The following EFHD2 variants were observed in gnomAD, a reference collection of about 807,000 sequenced individuals.
EFHD2 encodes EF-hand domain family member D2.
A neutral mutation model predicts 20.3 loss-of-function variants in EFHD2; 12 were observed. That is an observed-to-expected ratio of 0.59 (90% CI 0.38 to 0.96). The LOEUF (loss-of-function observed/expected upper bound fraction) is 0.96, where lower values mean the gene tolerates loss of function less well. EFHD2 is among the 40% of genes least tolerant of loss of function. The pLI, the probability that EFHD2 is intolerant of heterozygous loss-of-function variation, is 0.00. For synonymous variants in EFHD2, 131 were observed against 143.9 expected (o/e 0.91, Z 0.64); for missense variants, 250 against 334.3 (o/e 0.75, Z 1.97).
chr1:15,421,320 C>G (rs1331045711), intron 1 of EFHD2, among the ~76,000 whole-genome samples: 1 of 152,204 alleles, frequency 6.6e-6, no homozygotes, highest in African/African-American at 2.4e-5. Flanking sequence ...GCCCAGGGCA[C>G]AGGGCAGATG....
intron 1 of EFHD2, among the ~76,000 whole-genome samples, chr1:15,420,210 A>G (rs144535239): frequency 6.6e-6 from 1 of 152,364 alleles, no homozygotes; most frequent in Non-Finnish European, 1.5e-5. Context: ...GAAGTATATG[A>G]TGTGCATATG....
intron 1 of EFHD2, among the ~76,000 whole-genome samples, chr1:15,411,738 G>A (rs1017278828): frequency 1.3e-4 from 20 of 152,202 alleles, no homozygotes; most frequent in Non-Finnish European, 2.2e-4. Flanking sequence ...AGGGCTGAGG[G>A]AGGGATGCGG....
chr1:15,409,939 G>C lies in EFHD2; in HGVS notation c.-33G>C. 1 of 1,220,774 alleles carries C rather than the reference G, an allele frequency of 8.2e-7. No homozygotes were observed. The highest frequency in any genetic ancestry group is 1.0e-6 in the Non-Finnish European group (1 of 983,682). The allele number at this position is 1,220,774 out of a possible 1,614,324, so 75.6% of individuals were successfully genotyped here. A position where few individuals can be genotyped will look rare whatever the true frequency, so the allele number is the denominator to read the frequency against. ...CCGGCGGCGCTGCGCTGAGAGCAGGGGCCCGGCCAAGGCGAGTGCCGCGCG... is the reference window on the plus strand; with the variant it reads ...CCGGCGGCGCTGCGCTGAGAGCAGGCGCCCGGCCAAGGCGAGTGCCGCGCG... On this transcript the variant is annotated 5_prime_UTR_variant, in exon 1 of 4. Coordinates refer to ENST00000375980, the MANE Select transcript of EFHD2 (RefSeq NM_024329.6).
At position 15,413,738 on chromosome 1, in the gene EFHD2, T is replaced by A. The variant is rs1310605003; in HGVS notation, c.308+3459T>A. On this transcript the variant is annotated intron_variant, in intron 1 of 3. Transcript: ENST00000375980. The surrounding 1 kb of genome is among the most constrained non-coding windows in gnomAD (Gnocchi z 4.4). ...CTCGGGGTTACGGAGAGGTTCTCAG[T>A]GAGGCTGAAACCTTGTATGATGAGG... 6.6e-6 allele frequency among the ~76,000 whole-genome samples: 1 copy of A among 152,162 alleles called. No individual in the cohort carries two copies. Among genetic ancestry groups the A allele is most frequent in the African/African-American group, 2.4e-5 (1 of 41,434 alleles).
chr1:15,420,979 G>A (rs1707780321), intron 1 of EFHD2, among the ~76,000 whole-genome samples: 1 of 152,148 alleles, frequency 6.6e-6, no homozygotes, highest in Non-Finnish European at 1.5e-5. Flanking sequence ...TAGATGTTAG[G>A]AATAATAATA....
rs759964570 is a variant in EFHD2 at position 15,428,726 on chromosome 1, G to A, written c.*2G>A. Reference sequence around the variant, plus strand: ...GAGCTGCAGTCCACCTTTAAGTAGCGGGGGCTGCAGCCGACCGCCCTGCTC... The same window carrying A: ...GAGCTGCAGTCCACCTTTAAGTAGCAGGGGCTGCAGCCGACCGCCCTGCTC... On this transcript the variant is annotated 3_prime_UTR_variant, in exon 4 of 4. Transcript: ENST00000375980. 16 of 1,577,972 alleles carry A rather than the reference G, an allele frequency of 1.0e-5. No homozygotes were observed. Among genetic ancestry groups the A allele is most frequent in the Middle Eastern group, 2.2e-4 (1 of 4,448 alleles).
chr1:15,414,887 G>A (rs949017773), intron 1 of EFHD2, among the ~76,000 whole-genome samples: 13 of 152,196 alleles, frequency 8.5e-5, no homozygotes, highest in African/African-American at 3.1e-4. Flanking sequence ...AACAGCTCTG[G>A]AGGGTGCACA....
chr1:15,430,066 A>G lies in EFHD2; in HGVS notation c.*1342A>G, dbSNP rs896496791. On this transcript the variant is annotated 3_prime_UTR_variant, in exon 4 of 4. Coordinates refer to ENST00000375980, the MANE Select transcript of EFHD2 (RefSeq NM_024329.6). ...CCCAGGAGTCCTGGAAGCTACGCGG[A>G]CTTGCAGAGGTTTTATTTTTTGGCC... 1 of 152,686 alleles carries G rather than the reference A, an allele frequency of 6.5e-6. No homozygotes were observed. Among genetic ancestry groups the G allele is most frequent in the Non-Finnish European group, 1.5e-5 (1 of 68,052 alleles). 9.5% of individuals were successfully genotyped at this position (152,686 alleles called of 1,614,324 possible).
chr1:15,414,669 G>A (rs530227360), intron 1 of EFHD2, among the ~76,000 whole-genome samples: 83 of 152,358 alleles, frequency 5.4e-4, no homozygotes, highest in African/African-American at 2.0e-3. Context: ...ACCACCAGCG[G>A]AGCTTCCAGG....
intron 1 of EFHD2, among the ~76,000 whole-genome samples, chr1:15,417,524 G>C (rs1707693567): frequency 6.6e-6 from 1 of 152,074 alleles, no homozygotes; most frequent in South Asian, 2.1e-4. Context: ...CCGTGGGGGA[G>C]CCCCAAGCGC....
chr1:15,411,769 C>T (rs983266803), intron 1 of EFHD2, among the ~76,000 whole-genome samples: 11 of 152,194 alleles, frequency 7.2e-5, no homozygotes, highest in African/African-American at 2.4e-4. Flanking sequence ...TCCCGCTTGG[C>T]TGGGCAGGAG....
chr1:15,416,324 C>A (rs934667313), intron 1 of EFHD2, among the ~76,000 whole-genome samples: 1 of 152,136 alleles, frequency 6.6e-6, no homozygotes, highest in Admixed American at 6.5e-5. Flanking sequence ...TCCTCAAGGC[C>A]AGCCCTGCCG....
intron 1 of EFHD2, among the ~76,000 whole-genome samples, 174 bp downstream of exon 1, chr1:15,410,453 C>A (rs1325103933): frequency 2.0e-5 from 3 of 151,998 alleles, no homozygotes; most frequent in Non-Finnish European, 4.4e-5. Flanking sequence ...CGAGACCCGG[C>A]ATCTCACCGC....
intron 1 of EFHD2, among the ~76,000 whole-genome samples, chr1:15,418,299 C>CTTT (rs764390342): frequency 4.4e-4 from 34 of 76,892 alleles, no homozygotes; most frequent in East Asian, 1.2e-3. Flanking sequence ...CGAGGAGCAA[C>CTTT]TTTTTTTTTT....
At chr1:15,420,357 T>C (rs1707769193) in intron 1 of EFHD2, among the ~76,000 whole-genome samples, 1 of 152,160 alleles carries the variant, frequency 6.6e-6, no homozygotes, top group Admixed American at 6.5e-5. Flanking sequence ...TTTGTTTGTC[T>C]TTTAAACAAG....
rs1203061276 is a variant in EFHD2 at position 15,413,653 on chromosome 1, C to G, written c.308+3374C>G. ...GAGAGACCTGAAGGGTTGACTCCAA[C>G]CCCTCTCCCCATTTGACAGAAGAGG... On this transcript the variant is annotated intron_variant, in intron 1 of 3. Coordinates refer to ENST00000375980, the MANE Select transcript of EFHD2 (RefSeq NM_024329.6). The surrounding 1 kb of genome is among the most constrained non-coding windows in gnomAD (Gnocchi z 4.4). Among the ~76,000 whole-genome samples, 1 of 152,190 alleles carries G rather than the reference C, an allele frequency of 6.6e-6. No homozygotes were observed. Among genetic ancestry groups the G allele is most frequent in the Non-Finnish European group, 1.5e-5 (1 of 68,026 alleles).
intron 3 of EFHD2, chr1:15,427,777 C>T (rs560939638): frequency 2.1e-5 from 8 of 387,852 alleles, no homozygotes; most frequent in African/African-American, 6.3e-5. Flanking sequence ...CCTGCCCACC[C>T]GGGGCCCCAG....
Position 15,428,962 on chromosome 1 carries a change from C to CACAGAGTGGGACCCAAGGGG in EFHD2, c.*238_*239insACAGAGTGGGACCCAAGGGG, listed in dbSNP as rs1707920258. The CACAGAGTGGGACCCAAGGGG allele has an allele frequency of 1.9e-6, 1 of 526,826 alleles. No individual in the cohort carries two copies. Among genetic ancestry groups the CACAGAGTGGGACCCAAGGGG allele is most frequent in the African/African-American group, 1.9e-5 (1 of 51,656 alleles). The allele number at this position is 526,826 out of a possible 1,614,324, so 32.6% of individuals were successfully genotyped here. ...TGGCTCCCTGCCCGGCCCGGCCCTCCCTGGCAATCCCTGGGCTCTCTTGCA... is the reference window on the plus strand; with the variant it reads ...TGGCTCCCTGCCCGGCCCGGCCCTCCACAGAGTGGGACCCAAGGGGCTGGCAATCCCTGGGCTCTCTTGCA... On this transcript the variant is annotated 3_prime_UTR_variant, in exon 4 of 4. Transcript: ENST00000375980.
chr1:15,418,044 C>T lies in EFHD2; in HGVS notation c.308+7765C>T, dbSNP rs531468560. Among the ~76,000 whole-genome samples, 4 of 128,386 alleles carry T rather than the reference C, an allele frequency of 3.1e-5. No individual in the cohort carries two copies. In the East Asian group the frequency reaches 9.3e-4, roughly 30 times the overall value. 84.2% of individuals were successfully genotyped at this position (128,386 alleles called of 152,430 possible). The stretch of plus-strand genomic sequence containing the variant: ...TTGCTCTGTCACCCAGGCTGGAGTG[C>T]AGTGGCACAATCTTGGCTCACTGCA... On this transcript the variant is annotated intron_variant, in intron 1 of 3. Coordinates refer to ENST00000375980, the MANE Select transcript of EFHD2 (RefSeq NM_024329.6).
Sources: allele counts gnomAD v4.1 joint callset (sites outside exome capture counted in the v4.1 genomes callset), GRCh38; gene constraint gnomAD v4.1.1; non-coding constraint Gnocchi (gnomAD v3.1); transcripts MANE v1.5; gene names NCBI Gene and HGNC (gene_info 2026-07-23, HGNC 2026-07-21).